ARID5B: variants seen among roughly 807,000 people sequenced by gnomAD.
ARID5B encodes AT-rich interactive domain-containing protein 5B.
ARID5B carries 13 observed loss-of-function variants against 97.2 expected under a neutral mutation model. The observed-to-expected ratio is 0.13, with a 90% CI of 0.09 to 0.21. The LOEUF is 0.21. ARID5B is among the 10% of genes least tolerant of loss of function. The pLI is 1.00. For missense variants in ARID5B, 1,210 were observed against 1,465.3 expected (o/e 0.83, Z 2.84); for synonymous variants, 556 against 570.3 (o/e 0.97, Z 0.36).
At chr10:61,934,247 G>A (rs1357939834) in intron 2 of ARID5B, among the ~76,000 whole-genome samples, 2 of 152,190 alleles carry the variant, frequency 1.3e-5, no homozygotes, top group Non-Finnish European at 2.9e-5. Flanking sequence ...AGGGAATATT[G>A]TGGCCTGTTT....
chr10:62,026,461 T>C (rs1397395293), intron 4 of ARID5B, among the ~76,000 whole-genome samples: 5 of 152,240 alleles, frequency 3.3e-5, no homozygotes, highest in African/African-American at 9.6e-5. Flanking sequence ...ACTCACATTC[T>C]AGTGGTGGGG....
chr10:61,927,618 T>C (rs1844130049), intron 2 of ARID5B, among the ~76,000 whole-genome samples: 1 of 152,248 alleles, frequency 6.6e-6, no homozygotes, highest in Non-Finnish European at 1.5e-5. Context: ...GTGTTTACTG[T>C]AGAAGACAGA....
intron 3 of ARID5B, among the ~76,000 whole-genome samples, chr10:61,961,039 T>G (rs1332913223): frequency 6.6e-6 from 1 of 152,226 alleles, no homozygotes; most frequent in Non-Finnish European, 1.5e-5. Context: ...TCTGGTGCCA[T>G]AAAGCACTTG....
intron 2 of ARID5B, among the ~76,000 whole-genome samples, chr10:61,911,976 G>A (rs1318274020): frequency 6.6e-6 from 1 of 152,174 alleles, no homozygotes; most frequent in Non-Finnish European, 1.5e-5. Context: ...CCACCAAGGA[G>A]GGCAGCAGGA....
chr10:61,977,276 G>T (rs924146206), intron 3 of ARID5B, among the ~76,000 whole-genome samples: 1 of 152,154 alleles, frequency 6.6e-6, no homozygotes, highest in African/African-American at 2.4e-5. Context: ...ATTTGGGTTG[G>T]TTCCAAGTCT....
intron 4 of ARID5B, among the ~76,000 whole-genome samples, chr10:62,036,152 G>A (rs374992616): frequency 3.9e-5 from 6 of 152,136 alleles, no homozygotes; most frequent in Admixed American, 6.6e-5. Context: ...AGGAGTTAGG[G>A]CAGGAGGGAG....
chr10:61,944,184 A>G (rs966120727), intron 3 of ARID5B, among the ~76,000 whole-genome samples: 3 of 138,092 alleles, frequency 2.2e-5, no homozygotes, highest in South Asian at 4.3e-4. Context: ...TGAAGTTTAT[A>G]AAAAAAAAAG....
intron 3 of ARID5B, among the ~76,000 whole-genome samples, chr10:61,943,477 C>CG (rs147575677): frequency 4.5e-4 from 67 of 149,162 alleles, no homozygotes; most frequent in Non-Finnish European, 6.5e-4. Flanking sequence ...GAGGCCCCCC[C>CG]CCTTTTTTTC....
At chr10:62,052,760 T>A (rs181558650) in intron 5 of ARID5B, among the ~76,000 whole-genome samples, 76 of 152,318 alleles carry the variant, frequency 5.0e-4, no homozygotes, top group Non-Finnish European at 7.1e-4. Context: ...CTGGGTTTTC[T>A]AAGTGACGCC....
At chr10:62,068,979 G>A (rs1840028220) in intron 7 of ARID5B, among the ~76,000 whole-genome samples, 1 of 152,022 alleles carries the variant, frequency 6.6e-6, no homozygotes, top group Non-Finnish European at 1.5e-5. Context: ...TTTAACTGTG[G>A]AATATGTTAG....
At chr10:61,970,382 T>C (rs930242012) in intron 3 of ARID5B, among the ~76,000 whole-genome samples, 1 of 152,244 alleles carries the variant, frequency 6.6e-6, no homozygotes, top group Non-Finnish European at 1.5e-5. Flanking sequence ...TGGGTAACAC[T>C]GGAGAATTCC....
intron 3 of ARID5B, among the ~76,000 whole-genome samples, chr10:61,969,678 A>T (rs1338530128): frequency 6.6e-6 from 1 of 152,172 alleles, no homozygotes; most frequent in Non-Finnish European, 1.5e-5. Context: ...AGTGTGAAAG[A>T]GGCTTCGTTT....
intron 4 of ARID5B, among the ~76,000 whole-genome samples, chr10:62,044,319 A>G (rs1839677862): frequency 6.6e-6 from 1 of 151,560 alleles, no homozygotes. Flanking sequence ...TTTGAACATG[A>G]AAAGTGTTTA....
intron 3 of ARID5B, among the ~76,000 whole-genome samples, chr10:61,977,370 C>G (rs141208923): frequency 0.015 from 2,345 of 152,262 alleles, 63 homozygotes; most frequent in African/African-American, 0.053. Context: ...TGGGTATGTA[C>G]CCAGTAATGG....
At chr10:61,997,912 T>C (rs567228345) in intron 3 of ARID5B, among the ~76,000 whole-genome samples, 2 of 152,354 alleles carry the variant, frequency 1.3e-5, no homozygotes, top group South Asian at 4.1e-4. Context: ...CTTAGCGTCT[T>C]GGTCTGCTGT....
chr10:62,070,501 C>T (rs981171063), intron 8 of ARID5B, among the ~76,000 whole-genome samples: 3 of 152,210 alleles, frequency 2.0e-5, no homozygotes, highest in African/African-American at 7.2e-5. Context: ...TTGTTTAGGT[C>T]ATTACCAACT....
intron 4 of ARID5B, among the ~76,000 whole-genome samples, chr10:62,035,241 G>T (rs538091265): frequency 2.0e-4 from 31 of 152,204 alleles, no homozygotes; most frequent in Non-Finnish European, 3.5e-4. Context: ...CCAGTGGGAT[G>T]AGCAGTCAGT....
intron 3 of ARID5B, among the ~76,000 whole-genome samples, chr10:61,980,386 A>G (rs1219481630): frequency 6.6e-6 from 1 of 152,222 alleles, no homozygotes; most frequent in Non-Finnish European, 1.5e-5. Context: ...CTGCCTCTTC[A>G]TAAGGCATCG....
chr10:61,950,849 G>A (rs1471590642), intron 3 of ARID5B, among the ~76,000 whole-genome samples: 1 of 152,176 alleles, frequency 6.6e-6, no homozygotes, highest in Non-Finnish European at 1.5e-5. Flanking sequence ...TACTGACAGT[G>A]AGCCATTATT....
Sources: gnomAD v4.1 joint callset for allele counts (sites outside exome capture counted in the v4.1 genomes callset) on GRCh38, gnomAD v4.1.1 for gene constraint, MANE v1.5 for transcripts, NCBI Gene and HGNC (gene_info 2026-07-23, HGNC 2026-07-21) for gene names.